The following MICU3 variants were observed in gnomAD, a reference collection of about 807,000 sequenced individuals.
MICU3 encodes mitochondrial calcium uptake 3.
Under a neutral mutation model 66.5 loss-of-function variants are expected in MICU3, and 62 were observed. The observed-to-expected ratio is 0.93, with a 90% CI of 0.76 to 1.15. MICU3 has a LOEUF of 1.15. MICU3 is among the 50% of genes most tolerant of loss of function. MICU3 has a pLI of 0.00. For missense variants in MICU3, 779 were observed against 664.4 expected (o/e 1.17, Z -1.90); for synonymous variants, 308 against 240.7 (o/e 1.28, Z -2.59).
chr8:17,076,335 C>T (rs1226000083), intron 3 of MICU3, among the ~76,000 whole-genome samples: 1 of 152,126 alleles, frequency 6.6e-6, no homozygotes, highest in Non-Finnish European at 1.5e-5. Flanking sequence ...GAGTCCCACC[C>T]AGAATGTTTT....
chr8:17,046,385 G>C (rs1030699424), intron 1 of MICU3, among the ~76,000 whole-genome samples: 4 of 152,138 alleles, frequency 2.6e-5, no homozygotes, highest in African/African-American at 9.7e-5. Context: ...TGTTGTGTTG[G>C]TCTGAGAGCA....
intron 11 of MICU3, 85 bp downstream of exon 11, chr8:17,105,669 G>C (rs1801679414): frequency 7.1e-6 from 5 of 704,146 alleles, no homozygotes; most frequent in Non-Finnish European, 1.1e-5. Flanking sequence ...TTAGTTCTTT[G>C]GCTTCTCTGT....
At chr8:17,033,475 G>A (rs367816670) in intron 1 of MICU3, among the ~76,000 whole-genome samples, 3 of 151,508 alleles carry the variant, frequency 2.0e-5, no homozygotes, top group African/African-American at 7.3e-5. Flanking sequence ...TTGCTCTGTC[G>A]CCCAGGCTGG....
intron 1 of MICU3, among the ~76,000 whole-genome samples, chr8:17,042,232 A>G (rs370710374): frequency 2.6e-5 from 4 of 152,348 alleles, no homozygotes; most frequent in Non-Finnish European, 2.9e-5. Context: ...AATGCACCAA[A>G]CTTATAATAC....
At chr8:17,114,677 A>C (rs1021275522) in intron 12 of MICU3, among the ~76,000 whole-genome samples, 1 of 152,164 alleles carries the variant, frequency 6.6e-6, no homozygotes, top group African/African-American at 2.4e-5. Context: ...TAAGAAGCCA[A>C]GCCCTTTTCC....
chr8:17,065,155 T>C (rs982871670), intron 2 of MICU3, among the ~76,000 whole-genome samples: 1 of 152,156 alleles, frequency 6.6e-6, no homozygotes, highest in Admixed American at 6.6e-5. Context: ...GTATAACAAA[T>C]AATCATTTGT....
At chr8:17,044,631 G>C (rs910024502) in intron 1 of MICU3, among the ~76,000 whole-genome samples, 5 of 152,196 alleles carry the variant, frequency 3.3e-5, no homozygotes, top group Admixed American at 6.5e-5. Context: ...TAGTTGTTTA[G>C]CTTGTGCTTG....
chr8:17,135,772 C>T, the MICU3 span, among the ~76,000 whole-genome samples: 2 of 152,000 alleles, frequency 1.3e-5, no homozygotes, highest in African/African-American at 4.8e-5. Context: ...TCCTTTATTT[C>T]CTGAATTTGG....
Position 17,058,491 on chromosome 8 carries a change from A to G in MICU3, c.382-5593A>G, listed in dbSNP as rs76989087. Among the ~76,000 whole-genome samples, 736 of 152,336 alleles carry G rather than the reference A, an allele frequency of 4.8e-3. 7 individuals carry two copies. The highest frequency in any genetic ancestry group is 0.016 in the African/African-American group (678 of 41,584). On this transcript the variant is annotated intron_variant, in intron 1 of 14. Transcript: ENST00000318063. ...AACAAGCAAGACTCACAAGAGGTTTAGTAAACTGGTTTAATGTCATGTTCC... is the reference window on the plus strand; with the variant it reads ...AACAAGCAAGACTCACAAGAGGTTTGGTAAACTGGTTTAATGTCATGTTCC...
chr8:17,096,964 T>A (rs1206764065), intron 8 of MICU3, among the ~76,000 whole-genome samples: 1 of 93,672 alleles, frequency 1.1e-5, no homozygotes, highest in South Asian at 3.4e-4. Context: ...TTTGTGTGTG[T>A]GTGTGTGTGT....
chr8:17,029,196 C>T (rs565484719), intron 1 of MICU3, among the ~76,000 whole-genome samples: 1 of 152,332 alleles, frequency 6.6e-6, no homozygotes, highest in East Asian at 1.9e-4. Context: ...TATTTTTTGG[C>T]TGAGCGTGGT....
intron 9 of MICU3, among the ~76,000 whole-genome samples, chr8:17,101,252 C>T (rs1294054401): frequency 6.6e-6 from 1 of 151,658 alleles, no homozygotes; most frequent in Non-Finnish European, 1.5e-5. Flanking sequence ...TATGAAAACA[C>T]CCGAGTTCAT....
At chr8:17,132,558 C>T in the MICU3 span, 2 of 152,230 alleles carry the variant, frequency 1.3e-5, no homozygotes, top group African/African-American at 4.8e-5. Flanking sequence ...CCAGTTTCCT[C>T]TTGGCAATAG....
chr8:17,032,118 A>G (rs1812184855), intron 1 of MICU3, among the ~76,000 whole-genome samples: 1 of 152,248 alleles, frequency 6.6e-6, no homozygotes, highest in Admixed American at 6.5e-5. Context: ...TATTTTGTTC[A>G]GCTAAAGCAG....
intron 1 of MICU3, among the ~76,000 whole-genome samples, chr8:17,029,348 C>T (rs899092384): frequency 3.3e-5 from 5 of 152,020 alleles, no homozygotes; most frequent in South Asian, 2.1e-4. Context: ...TGGTGTTGGG[C>T]GCTTGTAATC....
At chr8:17,044,831 C>T (rs1353136597) in intron 1 of MICU3, among the ~76,000 whole-genome samples, 1 of 152,150 alleles carries the variant, frequency 6.6e-6, no homozygotes, top group African/African-American at 2.4e-5. Context: ...TGGGGTGGGT[C>T]AGGAGACCTG....
chr8:17,126,534 A>T (rs1234025120), downstream of MICU3, among the ~76,000 whole-genome samples: 1 of 152,314 alleles, frequency 6.6e-6, no homozygotes, highest in South Asian at 2.1e-4. Context: ...GAACTTAAGG[A>T]TGGTTATCTT....
intron 12 of MICU3, among the ~76,000 whole-genome samples, chr8:17,115,681 A>G (rs570628742): frequency 1.1e-4 from 16 of 152,302 alleles, no homozygotes; most frequent in Non-Finnish European, 2.2e-4. Flanking sequence ...CTGACAGAAT[A>G]ATCTTTCTTA....
intron 7 of MICU3, among the ~76,000 whole-genome samples, chr8:17,089,621 G>T (rs968974725): frequency 3.3e-5 from 5 of 151,962 alleles, no homozygotes; most frequent in African/African-American, 4.8e-5. Context: ...CCAGATTTTT[G>T]GGGTTTGAGT....
Sources: gnomAD v4.1 joint callset for allele counts (sites outside exome capture counted in the v4.1 genomes callset) on GRCh38, gnomAD v4.1.1 for gene constraint, MANE v1.5 for transcripts, NCBI Gene and HGNC (gene_info 2026-07-23, HGNC 2026-07-21) for gene names.